The following BTG3 variants were observed in gnomAD, a reference collection of about 807,000 sequenced individuals.
BTG3 encodes protein BTG3.
A neutral mutation model predicts 25.8 loss-of-function variants in BTG3; 4 were observed. That is an observed-to-expected ratio of 0.16 (90% CI 0.08 to 0.36). The LOEUF is 0.36. Ranked by LOEUF, BTG3 falls within the 10% of genes least tolerant of loss-of-function variation. The pLI, the probability that BTG3 is intolerant of heterozygous loss-of-function variation, is 1.00. For missense variants in BTG3, 201 were observed against 304.9 expected (o/e 0.66, Z 2.54); for synonymous variants, 107 against 99.9 (o/e 1.07, Z -0.42).
intron 2 of BTG3, among the ~76,000 whole-genome samples, chr21:17,605,807 G>A (rs2061632281): frequency 6.6e-6 from 1 of 152,094 alleles, no homozygotes; most frequent in Admixed American, 6.5e-5. Flanking sequence ...AGTATTTACT[G>A]CCTACAATCA....
At chr21:17,601,373 C>T (rs1047810640) in intron 3 of BTG3, among the ~76,000 whole-genome samples, 2 of 152,034 alleles carry the variant, frequency 1.3e-5, no homozygotes, top group Non-Finnish European at 2.9e-5. Flanking sequence ...AATACCTAAA[C>T]AGAAGCTGGA....
chr21:17,599,281 T>C (rs1403698093), intron 3 of BTG3, among the ~76,000 whole-genome samples: 1 of 151,636 alleles, frequency 6.6e-6, no homozygotes, highest in East Asian at 1.9e-4. Context: ...GCTCAGGTGA[T>C]CGATCCTCCA....
chr21:17,594,094 T>C lies in BTG3; in HGVS notation c.758A>G (p.Ter253=). 6.2e-7 allele frequency: 1 copy of C among 1,612,284 alleles called. No individual in the cohort carries two copies. The highest frequency in any genetic ancestry group is 1.1e-5 in the South Asian group (1 of 90,860). ...ACACCAACACAATCAAAAACGAAGT[T>C]AGTGAGGTGCTAACATGTGAGGATT... ...WINPHMLAPH[*] The change falls in exon 5 of 5, where the codon TAA becomes TGA. Residue 253 remains the stop codon, a stop_retained_variant. Transcript: ENST00000348354.
chr21:17,602,158 CAA>C (rs566555482), intron 3 of BTG3, among the ~76,000 whole-genome samples: 3 of 140,048 alleles, frequency 2.1e-5, no homozygotes, highest in African/African-American at 2.6e-5. Flanking sequence ...CAGAAATCAC[CAA>C]AAAAAAAAAA....
At chr21:17,595,973 G>A (rs2061498936) in intron 4 of BTG3, among the ~76,000 whole-genome samples, 1 of 152,028 alleles carries the variant, frequency 6.6e-6, no homozygotes, top group East Asian at 1.9e-4. Context: ...TGCAGTTCTG[G>A]AAGAACTAGT....
chr21:17,606,309 T>C (rs554038258), intron 2 of BTG3, among the ~76,000 whole-genome samples: 2 of 152,282 alleles, frequency 1.3e-5, no homozygotes, highest in South Asian at 2.1e-4. Flanking sequence ...TCCAGGCCAC[T>C]AGACTCCAAA....
At chr21:17,609,521 C>T (rs1280284065) in intron 1 of BTG3, among the ~76,000 whole-genome samples, 4 of 152,170 alleles carry the variant, frequency 2.6e-5, no homozygotes, top group African/African-American at 9.7e-5. Context: ...GTTTAAAATT[C>T]TGTGAAATGA....
chr21:17,612,083 G>C (rs985205588), intron 1 of BTG3: 3 of 152,370 alleles, frequency 2.0e-5, no homozygotes, highest in African/African-American at 7.2e-5. Flanking sequence ...GGGGTTTTGA[G>C]AGAGGTAGGT....
At chr21:17,610,426 G>A (rs545785364) in intron 1 of BTG3, among the ~76,000 whole-genome samples, 1 of 152,148 alleles carries the variant, frequency 6.6e-6, no homozygotes, top group Non-Finnish European at 1.5e-5. Context: ...CAAGTTAAGA[G>A]ACACAAAAAC....
chr21:17,606,154 CT>C (rs1444256926), intron 2 of BTG3, among the ~76,000 whole-genome samples: 2 of 152,080 alleles, frequency 1.3e-5, no homozygotes, highest in Non-Finnish European at 2.9e-5. Context: ...TTCCTAAATG[CT>C]TTGCATGTAT....
intron 1 of BTG3, among the ~76,000 whole-genome samples, chr21:17,610,512 C>G (rs1185376233): frequency 6.6e-6 from 1 of 152,134 alleles, no homozygotes; most frequent in East Asian, 1.9e-4. Flanking sequence ...AAGAAATAAT[C>G]AGAGATTTAG....
At chr21:17,606,192 G>A (rs945068672) in intron 2 of BTG3, among the ~76,000 whole-genome samples, 5 of 152,112 alleles carry the variant, frequency 3.3e-5, no homozygotes, top group East Asian at 1.9e-4. Context: ...TGATCATCCT[G>A]TGAGTTAGAT....
chr21:17,604,629 G>C (rs572549729), intron 3 of BTG3, among the ~76,000 whole-genome samples: 2 of 152,296 alleles, frequency 1.3e-5, no homozygotes, highest in South Asian at 2.1e-4. Flanking sequence ...TCTTGGCAAA[G>C]CACTACTAGA....
rs1278903612 is a variant in BTG3 at position 17,598,621 on chromosome 21, T to C, written c.515A>G (p.Tyr172Cys). ...CTGAGCTGTTTTCATGGTTACCTGG[T>C]ACACAGGACTTGCGGCTGCAGTCAC... ...SSVTAAASPV[Y>C]QISELIFPPL... The change falls in exon 4 of 5, where the codon TAC becomes TGC. Residue 172 changes from tyrosine to cysteine, a missense_variant. Tyr to Cys is a radical substitution (Grantham distance 194, BLOSUM62 -2). Coordinates refer to ENST00000348354, the MANE Select transcript of BTG3 (RefSeq NM_006806.5). The C allele has an allele frequency of 1.2e-6, 2 of 1,613,694 alleles. No homozygotes were observed.
At chr21:17,606,733 A>C (rs2061648128) in intron 2 of BTG3, among the ~76,000 whole-genome samples, 1 of 152,138 alleles carries the variant, frequency 6.6e-6, no homozygotes, top group Non-Finnish European at 1.5e-5. Context: ...TTCAAAAACA[A>C]AATTTTAAAA....
Position 17,593,942 on chromosome 21 carries a change from A to C in BTG3, c.*151T>G. ...TCTAAAGTGCATATATTTTTTAAGA[A>C]AGATTATTCTCAATAACTTCTATAA... On this transcript the variant is annotated 3_prime_UTR_variant, in exon 5 of 5. Transcript: ENST00000348354. 1 of 998,462 alleles carries C rather than the reference A, an allele frequency of 1.0e-6. No individual in the cohort carries two copies. Among genetic ancestry groups the C allele is most frequent in the Non-Finnish European group, 1.4e-6 (1 of 713,486 alleles). 61.9% of individuals were successfully genotyped at this position (998,462 alleles called of 1,614,324 possible). A position where few individuals can be genotyped will look rare whatever the true frequency, so the allele number is the denominator to read the frequency against.
intron 4 of BTG3, among the ~76,000 whole-genome samples, chr21:17,597,502 A>G (rs566385482): frequency 8.4e-4 from 127 of 152,080 alleles, no homozygotes; most frequent in African/African-American, 3.0e-3. Context: ...AAAAAAAAGA[A>G]AAAAAAACCT....
chr21:17,601,142 GAC>G (rs2061569054), intron 3 of BTG3, among the ~76,000 whole-genome samples: 1 of 150,478 alleles, frequency 6.6e-6, no homozygotes, highest in South Asian at 2.1e-4. Context: ...CAGCCTGGGC[GAC>G]AGAGTGAGAC....
At chr21:17,612,445 G>A (rs1167923179) in intron 1 of BTG3, 2 of 152,224 alleles carry the variant, frequency 1.3e-5, no homozygotes, top group Non-Finnish European at 2.9e-5. Flanking sequence ...CAGGAGCCCT[G>A]AGGCGGCGTC....
Sources: allele counts gnomAD v4.1 joint callset (sites outside exome capture counted in the v4.1 genomes callset), GRCh38; gene constraint gnomAD v4.1.1; transcripts MANE v1.5; gene names NCBI Gene and HGNC (gene_info 2026-07-23, HGNC 2026-07-21).